FARP1: variants seen among roughly 807,000 people sequenced by gnomAD.
FARP1 encodes the protein FERM, ARH/RhoGEF and pleckstrin domain protein 1.
FARP1 carries 52 observed loss-of-function variants against 128.8 expected under a neutral mutation model. That is an observed-to-expected ratio of 0.40 (90% CI 0.32 to 0.51). FARP1 has a LOEUF of 0.51. Among genes scored for constraint, FARP1 ranks in the 20% least tolerant of loss-of-function variants. The pLI is 0.45. For synonymous variants in FARP1, 580 were observed against 551.8 expected (o/e 1.05, Z -0.72); for missense variants, 1,333 against 1,367.9 (o/e 0.97, Z 0.40).
At chr13:98,187,578 A>G (rs1878960603) in intron 1 of FARP1, among the ~76,000 whole-genome samples, 1 of 152,168 alleles carries the variant, frequency 6.6e-6, no homozygotes, top group African/African-American at 2.4e-5. Flanking sequence ...AGTTCATGTC[A>G]CCTTACAGGG....
At chr13:98,277,694 C>A (rs753500258) in intron 2 of FARP1, among the ~76,000 whole-genome samples, 2 of 152,068 alleles carry the variant, frequency 1.3e-5, no homozygotes, top group Non-Finnish European at 1.5e-5. Context: ...GTCTCAGTTC[C>A]CTGGGCTTGT....
At chr13:98,340,182 C>T (rs1390797719) in intron 2 of FARP1, among the ~76,000 whole-genome samples, 2 of 152,020 alleles carry the variant, frequency 1.3e-5, no homozygotes, top group Non-Finnish European at 2.9e-5. Context: ...CCTTAGTTCC[C>T]AGAACTCTTT....
intron 3 of FARP1, among the ~76,000 whole-genome samples, chr13:98,356,434 A>G (rs554582105): frequency 6.6e-6 from 1 of 152,276 alleles, no homozygotes; most frequent in East Asian, 1.9e-4. Flanking sequence ...GATATATACC[A>G]CTGACGTATT....
chr13:98,253,816 G>T (rs527796736), intron 2 of FARP1, among the ~76,000 whole-genome samples: 45 of 152,264 alleles, frequency 3.0e-4, no homozygotes, highest in Admixed American at 9.2e-4. Flanking sequence ...GTTAGTTTTA[G>T]GTTTGCTGTA....
intron 2 of FARP1, among the ~76,000 whole-genome samples, chr13:98,325,106 A>T (rs1004796599): frequency 6.6e-6 from 1 of 152,246 alleles, no homozygotes; most frequent in African/African-American, 2.4e-5. Flanking sequence ...TCCCAGACTG[A>T]CTGGTAAGTA....
chr13:98,162,263 C>A (rs1367952894), intron 1 of FARP1, among the ~76,000 whole-genome samples: 1 of 152,136 alleles, frequency 6.6e-6, no homozygotes, highest in Non-Finnish European at 1.5e-5. Context: ...AGTTAATACT[C>A]CTGTGTGCCA....
chr13:98,290,149 C>T (rs1165533940), intron 2 of FARP1, among the ~76,000 whole-genome samples: 1 of 151,082 alleles, frequency 6.6e-6, no homozygotes, highest in Non-Finnish European at 1.5e-5. Context: ...TGGGGGATTT[C>T]CCCCTTGTAG....
chr13:98,411,107 C>A (rs1891173844), intron 15 of FARP1, among the ~76,000 whole-genome samples: 1 of 152,200 alleles, frequency 6.6e-6, no homozygotes, highest in Admixed American at 6.5e-5. Flanking sequence ...CAGTCCAGAA[C>A]ATGTCGTGTT....
chr13:98,221,173 A>G (rs1881393756), intron 2 of FARP1, among the ~76,000 whole-genome samples: 1 of 152,224 alleles, frequency 6.6e-6, no homozygotes, highest in Non-Finnish European at 1.5e-5. Flanking sequence ...ATCTTCTGCA[A>G]AAACACCTTG....
intron 2 of FARP1, among the ~76,000 whole-genome samples, chr13:98,256,317 C>G (rs2139513589): frequency 6.6e-6 from 1 of 152,208 alleles, no homozygotes; most frequent in East Asian, 1.9e-4. Context: ...ATTCTGAATT[C>G]ATGAAATTAA....
intron 26 of FARP1, chr13:98,447,187 A>C: frequency 5.4e-6 from 1 of 186,520 alleles, no homozygotes; most frequent in Non-Finnish European, 1.1e-5. Flanking sequence ...CAGGCCTAAG[A>C]CTGTTCCTGC....
intron 24 of FARP1, among the ~76,000 whole-genome samples, chr13:98,441,907 T>A (rs1050645689): frequency 6.6e-6 from 1 of 152,202 alleles, no homozygotes; most frequent in Non-Finnish European, 1.5e-5. Flanking sequence ...CTCCCAGATC[T>A]TGAATCCTTC....
At chr13:98,365,605 C>T (rs1287809823) in intron 4 of FARP1, among the ~76,000 whole-genome samples, 168 bp downstream of exon 4, 3 of 152,200 alleles carry the variant, frequency 2.0e-5, no homozygotes, top group African/African-American at 7.2e-5. Context: ...TGTGTGTCTT[C>T]TGCAGTTTTA....
At chr13:98,299,178 C>A (rs683260) in intron 2 of FARP1, among the ~76,000 whole-genome samples, 149,825 of 152,346 alleles carry the variant, frequency 0.98, 73,685 homozygotes, top group East Asian at 1. Flanking sequence ...GAACCGACAG[C>A]AACTAAAAAA....
chr13:98,178,320 T>A (rs927769324), intron 1 of FARP1, among the ~76,000 whole-genome samples: 49 of 151,386 alleles, frequency 3.2e-4, no homozygotes, highest in African/African-American at 1.2e-3. Flanking sequence ...CTCAGCCTCC[T>A]GAGTAGCTGG....
chr13:98,271,460 G>GGT (rs1307915162), intron 2 of FARP1, among the ~76,000 whole-genome samples: 11 of 152,036 alleles, frequency 7.2e-5, no homozygotes, highest in Non-Finnish European at 1.3e-4. Context: ...TTGTTACATA[G>GGT]GTATACATGT....
chr13:98,398,709 G>C (rs1418267812), intron 13 of FARP1: 1 of 152,162 alleles, frequency 6.6e-6, no homozygotes, highest in African/African-American at 2.4e-5. Context: ...TCAGACATAG[G>C]AAAAATGTCA....
In FARP1 at chr13:98,453,173, T is replaced by TCA. The variant is rs1477443832; in HGVS notation, c.*4857_*4858dup. 1 of 1,613,592 alleles carries TCA rather than the reference T, an allele frequency of 6.2e-7. No individual in the cohort carries two copies. The highest frequency in any genetic ancestry group is 1.3e-5 in the African/African-American group (1 of 74,908). On this transcript the variant is annotated 3_prime_UTR_variant, in exon 27 of 27. Coordinates refer to ENST00000319562, the MANE Select transcript of FARP1 (RefSeq NM_005766.4). ...CAAAACCCCAAATGCCAAAGGAATT[T>TCA]CAGTGGGATGAAGTTCCTCCACCAC...
At chr13:98,233,079 A>G (rs948316449) in intron 2 of FARP1, among the ~76,000 whole-genome samples, 8 of 152,214 alleles carry the variant, frequency 5.3e-5, no homozygotes, top group Admixed American at 3.3e-4. Context: ...AGGTTTTTCC[A>G]AGGCATGGAT....
Sources: gnomAD v4.1 joint callset for allele counts (sites outside exome capture counted in the v4.1 genomes callset) on GRCh38, gnomAD v4.1.1 for gene constraint, MANE v1.5 for transcripts, NCBI Gene and HGNC (gene_info 2026-07-23, HGNC 2026-07-21) for gene names.